The following DOCK10 variants were observed in gnomAD, a reference collection of about 807,000 sequenced individuals.
The protein encoded by DOCK10 is dedicator of cytokinesis protein 10.
A neutral mutation model predicts 280.1 loss-of-function variants in DOCK10; 145 were observed. The observed-to-expected ratio is 0.52, with a 90% CI of 0.45 to 0.59. DOCK10 has a LOEUF of 0.59. Ranked by LOEUF, DOCK10 falls within the 20% of genes least tolerant of loss-of-function variation. The pLI is 0.00. For missense variants in DOCK10, 2,368 were observed against 2,651.7 expected (o/e 0.89, Z 2.35); for synonymous variants, 915 against 942.2 (o/e 0.97, Z 0.53).
At chr2:224,999,305 T>A (rs114252591) in intron 1 of DOCK10, among the ~76,000 whole-genome samples, 1,550 of 152,158 alleles carry the variant, frequency 0.01, 25 homozygotes, top group African/African-American at 0.034. Flanking sequence ...TTCCTGGCTT[T>A]AAAGATCCTC....
At chr2:224,769,270 A>G (rs951639105) in intron 55 of DOCK10, among the ~76,000 whole-genome samples, 1 of 152,218 alleles carries the variant, frequency 6.6e-6, no homozygotes, top group African/African-American at 2.4e-5. Flanking sequence ...TCAGGATGGA[A>G]GAAGATGGAA....
intron 31 of DOCK10, 43 bp from the exon 32 acceptor site, chr2:224,808,129 T>C (rs1395945418): frequency 6.4e-7 from 1 of 1,553,138 alleles, no homozygotes; most frequent in African/African-American, 1.4e-5. Context: ...GAAAATCAAA[T>C]GATCACTTTA....
intron 1 of DOCK10, among the ~76,000 whole-genome samples, chr2:224,999,114 G>C (rs900074793): frequency 2.6e-5 from 4 of 152,258 alleles, no homozygotes; most frequent in East Asian, 3.9e-4. Flanking sequence ...TTGAACCTAG[G>C]GGGCAGAGGT....
intron 44 of DOCK10, 119 bp from the exon 45 acceptor site, chr2:224,795,213 T>C: frequency 1.2e-6 from 1 of 808,468 alleles, no homozygotes; most frequent in Non-Finnish European, 2.0e-6. Flanking sequence ...TATATAGTTA[T>C]AAATGAGTGC....
At chr2:224,886,612 C>T (rs1339672904) in intron 4 of DOCK10, 81 bp from the exon 5 acceptor site, 6 of 1,060,874 alleles carry the variant, frequency 5.7e-6, no homozygotes, top group Non-Finnish European at 8.3e-6. Flanking sequence ...GTAACAATAA[C>T]AACTATGGTG....
chr2:224,838,621 T>G lies in DOCK10; in HGVS notation c.2781-790A>C, dbSNP rs189155368. Among the ~76,000 whole-genome samples the G allele has an allele frequency of 5.2e-3, 791 of 152,326 alleles. 1 individual carries two copies. The highest frequency in any genetic ancestry group is 8.4e-3 in the Non-Finnish European group (569 of 68,026). On this transcript the variant is annotated intron_variant, in intron 24 of 55. Transcript: ENST00000258390. ...TTGTCCAGAATTTCAGGCTCTGCTT[T>G]AAAAACTAGGCTACAAACCCTCATT... is the stretch of plus-strand genomic sequence containing the variant.
At position 225,042,246 on chromosome 2, in the gene DOCK10, A is replaced by C; in HGVS notation, c.123+6T>G. ...CGGGAAGGCGCGGAGGACGCGCCGC[A>C]CTCACCCGCTGCTGCTGCCGGCTGC... On this transcript the variant is annotated splice_donor_region_variant and intron_variant, in intron 1 of 55. Transcript: ENST00000258390. This position sits in a 1 kb window ranked among gnomAD's most constrained non-coding sequence, Gnocchi z 5.1. The C allele has an allele frequency of 7.8e-7, 1 of 1,283,592 alleles. No individual in the cohort carries two copies. Among genetic ancestry groups the C allele is most frequent in the Non-Finnish European group, 9.8e-7 (1 of 1,018,508 alleles). 79.5% of individuals were successfully genotyped at this position (1,283,592 alleles called of 1,614,324 possible).
At chr2:224,947,334 A>C (rs899014818) in intron 1 of DOCK10, among the ~76,000 whole-genome samples, 6 of 152,320 alleles carry the variant, frequency 3.9e-5, no homozygotes, top group Middle Eastern at 3.4e-3. Context: ...CGGCTGTCAA[A>C]ACAGCCACCC....
chr2:224,955,341 T>A (rs1004270154), intron 1 of DOCK10, among the ~76,000 whole-genome samples: 15 of 152,254 alleles, frequency 9.9e-5, no homozygotes, highest in African/African-American at 3.6e-4. Flanking sequence ...GTCTTTTTAC[T>A]GCAGAAGGAT....
chr2:224,883,474 C>T (rs1171371953), intron 7 of DOCK10, among the ~76,000 whole-genome samples: 2 of 152,170 alleles, frequency 1.3e-5, no homozygotes, highest in Non-Finnish European at 2.9e-5. Context: ...ATGTCTATAT[C>T]CTAGGTTGTG....
At chr2:224,934,105 C>T (rs139206226) in intron 1 of DOCK10, among the ~76,000 whole-genome samples, 5 of 152,166 alleles carry the variant, frequency 3.3e-5, no homozygotes, top group African/African-American at 4.8e-5. Context: ...CCTGGTAGTT[C>T]GCCGTGATCG....
intron 28 of DOCK10, among the ~76,000 whole-genome samples, chr2:224,822,978 T>G (rs1024988465): frequency 6.6e-6 from 1 of 151,984 alleles, no homozygotes; most frequent in Non-Finnish European, 1.5e-5. Context: ...CCTTAGTTTT[T>G]TTTTTCTTTC....
At chr2:224,777,159 T>C (rs1374859799) in intron 51 of DOCK10, among the ~76,000 whole-genome samples, 4 of 152,196 alleles carry the variant, frequency 2.6e-5, no homozygotes, top group Non-Finnish European at 4.4e-5. Flanking sequence ...GAGGTAAGTA[T>C]TTGCTTTCTG....
intron 21 of DOCK10, 23 bp from the exon 22 acceptor site, chr2:224,844,862 T>C: frequency 6.6e-7 from 1 of 1,519,110 alleles, no homozygotes; most frequent in East Asian, 2.3e-5. Context: ...GTTTGTTTAC[T>C]GTCACTGGGA....
At chr2:225,024,536 G>T (rs1689866206) in intron 1 of DOCK10, among the ~76,000 whole-genome samples, 1 of 152,122 alleles carries the variant, frequency 6.6e-6, no homozygotes, top group Admixed American at 6.5e-5. Flanking sequence ...TTTTACAATT[G>T]TTTTACAAAT....
intron 1 of DOCK10, among the ~76,000 whole-genome samples, chr2:225,040,104 A>G (rs1042121877): frequency 4.6e-5 from 7 of 152,182 alleles, no homozygotes; most frequent in Admixed American, 3.9e-4. Context: ...GCATCAATGT[A>G]CGCTAAGATT....
intron 29 of DOCK10, among the ~76,000 whole-genome samples, chr2:224,817,714 T>C (rs1694225972): frequency 6.6e-6 from 1 of 152,154 alleles, no homozygotes; most frequent in South Asian, 2.1e-4. Flanking sequence ...AAATGAAGAA[T>C]ATACTTTCAA....
chr2:224,916,910 A>G, intron 2 of DOCK10, 126 bp from the exon 3 acceptor site: 3 of 681,394 alleles, frequency 4.4e-6, no homozygotes, highest in Non-Finnish European at 7.6e-6. Flanking sequence ...AGACAGAGAC[A>G]CTTCTGTAGT....
intron 1 of DOCK10, among the ~76,000 whole-genome samples, chr2:224,989,685 C>A (rs1171360518): frequency 6.6e-6 from 1 of 152,130 alleles, no homozygotes; most frequent in Admixed American, 6.5e-5. Flanking sequence ...GGTCTGAACT[C>A]AATTAAATGG....
Sources: allele counts gnomAD v4.1 joint callset (sites outside exome capture counted in the v4.1 genomes callset), GRCh38; gene constraint gnomAD v4.1.1; non-coding constraint Gnocchi (gnomAD v3.1); transcripts MANE v1.5; gene names NCBI Gene and HGNC (gene_info 2026-07-23, HGNC 2026-07-21).